Variants in SOHLH2 observed in about 807,000 individuals in gnomAD.
SOHLH2 encodes spermatogenesis- and oogenesis-specific basic helix-loop-helix-containing protein 2.
Under a neutral mutation model 50.4 loss-of-function variants are expected in SOHLH2, and 22 were observed. The ratio of observed to expected loss-of-function variants is 0.44; its 90% CI spans 0.31 to 0.62. The LOEUF (loss-of-function observed/expected upper bound fraction) is 0.62, where lower values mean the gene tolerates loss of function less well. Among genes scored for constraint, SOHLH2 ranks in the 20% least tolerant of loss-of-function variants. The pLI is 0.08. For synonymous variants in SOHLH2, 185 were observed against 187.3 expected, an observed-to-expected ratio of 0.99 and a Z score of 0.10; for missense variants, 412 against 504.4, an observed-to-expected ratio of 0.82 and a Z score of 1.76.
rs138647925 is a variant in SOHLH2 at position 36,176,608 on chromosome 13, T to C, written c.642-1739A>G. Among the ~76,000 whole-genome samples, 2,107 of 152,164 alleles carry C rather than the reference T, an allele frequency of 0.014. 144 individuals are homozygous for C. In the East Asian group the frequency reaches 0.22, roughly 16 times the overall value. ...TCATTTATGTTTTATAATATATATA[T>C]ATAGCCTGAAGGAAATTTTATACAA... On this transcript the variant is annotated intron_variant, in intron 6 of 10. Coordinates refer to ENST00000379881, the MANE Select transcript of SOHLH2 (RefSeq NM_017826.3).
rs1229884029 is a variant in SOHLH2, at chr13:36,184,460, C to CTTTTTTTTTTTTTTTT, written c.641+5470_641+5485dup. 3.5e-4 allele frequency among the ~76,000 whole-genome samples: 42 copies of CTTTTTTTTTTTTTTTT among 121,154 alleles called. 5 individuals carry two copies. Among genetic ancestry groups the CTTTTTTTTTTTTTTTT allele is most frequent in the Non-Finnish European group, 5.1e-4 (29 of 56,704 alleles). The allele number at this position is 121,154 out of a possible 152,430, so 79.5% of individuals were successfully genotyped here. A position where few individuals can be genotyped will look rare whatever the true frequency, so the allele number is the denominator to read the frequency against. On this transcript the variant is annotated intron_variant, in intron 6 of 10. Transcript: ENST00000379881. The stretch of plus-strand genomic sequence containing the variant: ...GATGGAAGTTTCTACCTACAAAGAC[C>CTTTTTTTTTTTTTTTT]TTTTTTTTTTTTTTTTTTTGAGACG...
At chr13:36,181,786 G>A (rs914196883) in intron 6 of SOHLH2, among the ~76,000 whole-genome samples, 13 of 152,274 alleles carry the variant, frequency 8.5e-5, no homozygotes, top group African/African-American at 2.6e-4. Flanking sequence ...AGTCCTTCTA[G>A]TGATTCGAGT....
intron 1 of SOHLH2, among the ~76,000 whole-genome samples, chr13:36,211,605 G>A (rs556348560): frequency 2.2e-4 from 34 of 152,314 alleles, no homozygotes; most frequent in Admixed American, 7.8e-4. Context: ...CAGTGGGAAG[G>A]GAGCAAAGCC....
At chr13:36,198,073 T>C (rs1438305613) in intron 2 of SOHLH2, among the ~76,000 whole-genome samples, 1 of 152,158 alleles carries the variant, frequency 6.6e-6, no homozygotes, top group Non-Finnish European at 1.5e-5. Flanking sequence ...GCTCACAAGA[T>C]TGGGTTTTCT....
intron 2 of SOHLH2, among the ~76,000 whole-genome samples, chr13:36,198,986 A>G (rs1256898425): frequency 4.6e-5 from 7 of 152,202 alleles, no homozygotes; most frequent in Admixed American, 3.9e-4. Context: ...CCAGACAACA[A>G]CAAAGATCTA....
intron 6 of SOHLH2, among the ~76,000 whole-genome samples, chr13:36,177,540 C>T (rs753983535): frequency 1.3e-5 from 2 of 152,122 alleles, no homozygotes; most frequent in African/African-American, 4.8e-5. Flanking sequence ...ATGTATCAGA[C>T]CTCTTGTTCC....
intron 1 of SOHLH2, among the ~76,000 whole-genome samples, chr13:36,212,138 G>A (rs1311327085): frequency 6.6e-6 from 1 of 152,144 alleles, no homozygotes; most frequent in Non-Finnish European, 1.5e-5. Flanking sequence ...AAATCTGAGG[G>A]TAGGTAGGAA....
intron 7 of SOHLH2, 66 bp downstream of exon 7, chr13:36,174,656 G>C: frequency 2.5e-6 from 4 of 1,597,084 alleles, no homozygotes; most frequent in Non-Finnish European, 3.4e-6. Flanking sequence ...AAAATTAAAA[G>C]AAGTAAAATT....
At position 36,174,687 on chromosome 13, in the gene SOHLH2, T is replaced by C. The variant is rs1179887035; in HGVS notation, c.789+35A>G. 8 of 1,592,790 alleles carry C rather than the reference T, an allele frequency of 5.0e-6. No homozygotes were observed. In the Admixed American group the frequency reaches 9.0e-5, roughly 18 times the overall value. ...AAATTGTAGTATTAAAGCATGTCTATAAGGATAAAATTCAAAGCTTTGGGA... is the reference window on the plus strand; with the variant it reads ...AAATTGTAGTATTAAAGCATGTCTACAAGGATAAAATTCAAAGCTTTGGGA... On this transcript the variant is annotated intron_variant, in intron 7 of 10. Coordinates refer to ENST00000379881, the MANE Select transcript of SOHLH2 (RefSeq NM_017826.3).
chr13:36,211,380 T>A (rs1869112875), intron 1 of SOHLH2, among the ~76,000 whole-genome samples: 1 of 152,222 alleles, frequency 6.6e-6, no homozygotes. Flanking sequence ...TCTCCATAGA[T>A]ATTTATTGAG....
At chr13:36,193,906 A>G in intron 2 of SOHLH2, 39 bp from the exon 3 acceptor site, 1 of 1,571,806 alleles carries the variant, frequency 6.4e-7, no homozygotes, top group Non-Finnish European at 8.6e-7. Context: ...AAGCAAAATC[A>G]TTATTCAAAA....
chr13:36,213,196 C>T (rs1400346841), intron 1 of SOHLH2, among the ~76,000 whole-genome samples: 2 of 152,154 alleles, frequency 1.3e-5, no homozygotes, highest in Non-Finnish European at 2.9e-5. Flanking sequence ...TTCACACTCT[C>T]TTAAGGGGAG....
At chr13:36,183,212 G>C in intron 6 of SOHLH2, 3 of 346,532 alleles carry the variant, frequency 8.7e-6, no homozygotes, top group South Asian at 4.6e-5. Flanking sequence ...AGAATCACGA[G>C]TCAATTAAAC....
chr13:36,201,065 A>AAG (rs1427345319), intron 2 of SOHLH2, among the ~76,000 whole-genome samples: 7 of 150,816 alleles, frequency 4.6e-5, no homozygotes, highest in African/African-American at 1.7e-4. Context: ...AAAAAAAAAA[A>AAG]AAAAAAGAAA....
chr13:36,170,900 T>C, intron 9 of SOHLH2, 113 bp from the exon 10 acceptor site: 1 of 1,460,192 alleles, frequency 6.8e-7, no homozygotes, highest in Non-Finnish European at 9.1e-7. Context: ...TACAAATCTG[T>C]ACTACCTGCT....
intron 6 of SOHLH2, among the ~76,000 whole-genome samples, chr13:36,179,661 C>T (rs1887195978): frequency 6.6e-6 from 1 of 152,060 alleles, no homozygotes; most frequent in Admixed American, 6.5e-5. Context: ...GATCCACCTG[C>T]CTCAGCCTCC....
At chr13:36,181,555 A>G (rs1887257233) in intron 6 of SOHLH2, among the ~76,000 whole-genome samples, 3 of 152,196 alleles carry the variant, frequency 2.0e-5, no homozygotes, top group Admixed American at 2.0e-4. Flanking sequence ...TAGAGTTAAT[A>G]CTTTATGACA....
intron 1 of SOHLH2, among the ~76,000 whole-genome samples, chr13:36,209,752 G>A (rs541970480): frequency 2.6e-5 from 4 of 152,328 alleles, no homozygotes; most frequent in South Asian, 4.1e-4. Context: ...GTGTGCATTC[G>A]TCTAGTTCTG....
At chr13:36,212,355 G>A (rs955512768) in intron 1 of SOHLH2, among the ~76,000 whole-genome samples, 1 of 152,130 alleles carries the variant, frequency 6.6e-6, no homozygotes, top group African/African-American at 2.4e-5. Flanking sequence ...GAATGTTAAT[G>A]GACAAATCAG....
Sources: allele counts gnomAD v4.1 joint callset (sites outside exome capture counted in the v4.1 genomes callset), GRCh38; gene constraint gnomAD v4.1.1; transcripts MANE v1.5; gene names NCBI Gene and HGNC (gene_info 2026-07-23, HGNC 2026-07-21).